Variants in FER observed in about 807,000 individuals in gnomAD.
FER encodes the protein FER tyrosine kinase.
Under a neutral mutation model 111.0 loss-of-function variants are expected in FER, and 63 were observed. The ratio of observed to expected loss-of-function variants is 0.57; its 90% CI spans 0.46 to 0.70. The LOEUF is 0.70. Among genes scored for constraint, FER ranks in the 30% least tolerant of loss-of-function variants. The pLI, the probability that FER is intolerant of heterozygous loss-of-function variation, is 0.00. For synonymous variants in FER, 327 were observed against 313.9 expected, an observed-to-expected ratio of 1.04 and a Z score of -0.44; for missense variants, 914 against 954.0, an observed-to-expected ratio of 0.96 and a Z score of 0.55.
At chr5:108,867,177 C>G (rs950431968) in intron 5 of FER, among the ~76,000 whole-genome samples, 1 of 152,046 alleles carries the variant, frequency 6.6e-6, no homozygotes, top group African/African-American at 2.4e-5. Flanking sequence ...TACTGAATTC[C>G]CAATGTTTAG....
At chr5:108,766,225 T>C (rs949926483) in intron 1 of FER, among the ~76,000 whole-genome samples, 1 of 152,234 alleles carries the variant, frequency 6.6e-6, no homozygotes, top group Non-Finnish European at 1.5e-5. Context: ...AGCCACCTCA[T>C]CTGGCCATCA....
At chr5:108,922,188 T>C (rs1009073065) in intron 10 of FER, among the ~76,000 whole-genome samples, 5 of 152,210 alleles carry the variant, frequency 3.3e-5, no homozygotes, top group African/African-American at 1.2e-4. Flanking sequence ...TGGCCTTGGC[T>C]AACACCTTGA....
intron 17 of FER, among the ~76,000 whole-genome samples, chr5:109,155,367 T>G (rs1319673571): frequency 1.3e-5 from 2 of 151,880 alleles, no homozygotes; most frequent in African/African-American, 4.8e-5. Context: ...GGGGTTAGTG[T>G]TCAAACTAGG....
rs994283482 is a variant in FER, at chr5:109,191,995, C to G, written c.*4420C>G. On this transcript the variant is annotated 3_prime_UTR_variant, in exon 20 of 20. Coordinates refer to ENST00000281092, the MANE Select transcript of FER (RefSeq NM_005246.4). The stretch of plus-strand genomic sequence containing the variant: ...AGCCATAATTCAATTTAATGAAATA[C>G]TACCCCATTAAAAGCCATCCTCCTG... 1 of 152,110 alleles carries G rather than the reference C, an allele frequency of 6.6e-6. No individual in the cohort carries two copies. Among genetic ancestry groups the G allele is most frequent in the Non-Finnish European group, 1.5e-5 (1 of 68,012 alleles). The allele number at this position is 152,110 out of a possible 1,614,324, so 9.4% of individuals were successfully genotyped here. A position where few individuals can be genotyped will look rare whatever the true frequency, so the allele number is the denominator to read the frequency against.
At chr5:108,860,692 G>A (rs888825042) in intron 5 of FER, among the ~76,000 whole-genome samples, 4 of 152,164 alleles carry the variant, frequency 2.6e-5, no homozygotes, top group East Asian at 1.9e-4. Flanking sequence ...CTAGGATAGC[G>A]AGTGTAGAGT....
At chr5:108,807,343 C>G (rs977814036) in intron 3 of FER, among the ~76,000 whole-genome samples, 1 of 152,138 alleles carries the variant, frequency 6.6e-6, no homozygotes, top group Non-Finnish European at 1.5e-5. Flanking sequence ...ATTCCTGATT[C>G]AATCTTGAGA....
At chr5:108,980,210 G>A (rs1761871745) in intron 13 of FER, among the ~76,000 whole-genome samples, 1 of 151,918 alleles carries the variant, frequency 6.6e-6, no homozygotes, top group African/African-American at 2.4e-5. Flanking sequence ...ACTGATTCAG[G>A]GAAAATCTTA....
chr5:108,923,793 C>A (rs1471304503), intron 10 of FER, among the ~76,000 whole-genome samples: 1 of 151,858 alleles, frequency 6.6e-6, no homozygotes, highest in Non-Finnish European at 1.5e-5. Flanking sequence ...TCTGTTGAGA[C>A]CTTAGAGATC....
intron 17 of FER, among the ~76,000 whole-genome samples, chr5:109,152,573 G>T (rs1754962941): frequency 6.6e-6 from 1 of 151,868 alleles, no homozygotes; most frequent in African/African-American, 2.4e-5. Context: ...AAAAAGAAAG[G>T]TCAACATATG....
chr5:108,773,865 T>C (rs771708373), intron 2 of FER, among the ~76,000 whole-genome samples: 3 of 152,200 alleles, frequency 2.0e-5, no homozygotes, highest in Non-Finnish European at 4.4e-5. Flanking sequence ...CTGTTGGTTT[T>C]TGACTTTTTA....
intron 17 of FER, among the ~76,000 whole-genome samples, chr5:109,103,925 TG>T (rs1480956527): frequency 2.6e-5 from 4 of 152,256 alleles, no homozygotes; most frequent in African/African-American, 9.6e-5. Flanking sequence ...AAGTTGGCTT[TG>T]TGCCATTGTT....
chr5:109,087,503 C>A (rs908589066), intron 16 of FER, among the ~76,000 whole-genome samples: 2 of 151,210 alleles, frequency 1.3e-5, no homozygotes, highest in Non-Finnish European at 3.0e-5. Context: ...ATATGTTTGT[C>A]TTTTTATCTT....
At chr5:109,141,564 T>G (rs1420442459) in intron 17 of FER, among the ~76,000 whole-genome samples, 1 of 152,210 alleles carries the variant, frequency 6.6e-6, no homozygotes, top group Non-Finnish European at 1.5e-5. Flanking sequence ...AGTTTATTTC[T>G]TGCTACCATG....
intron 1 of FER, among the ~76,000 whole-genome samples, chr5:108,766,401 C>G (rs994202323): frequency 1.3e-5 from 2 of 152,152 alleles, no homozygotes; most frequent in Non-Finnish European, 2.9e-5. Context: ...CTACTGTGTT[C>G]CAGGTACTAT....
intron 3 of FER, among the ~76,000 whole-genome samples, chr5:108,804,278 T>C (rs1387598439): frequency 6.6e-6 from 1 of 152,174 alleles, no homozygotes; most frequent in East Asian, 1.9e-4. Context: ...TGTCATCCAT[T>C]AAGAGAGATA....
intron 10 of FER, among the ~76,000 whole-genome samples, chr5:108,913,192 A>G (rs9326755): frequency 0.15 from 22,764 of 152,112 alleles, 1,971 homozygotes; most frequent in South Asian, 0.25. Context: ...TTCTATATAA[A>G]CTTTTACTGC....
chr5:108,802,266 A>G (rs1756744360), intron 3 of FER, among the ~76,000 whole-genome samples: 1 of 152,264 alleles, frequency 6.6e-6, no homozygotes. Context: ...AATTACATTG[A>G]ATGTATAGAT....
chr5:109,165,016 T>C (rs1756386819), intron 17 of FER, among the ~76,000 whole-genome samples: 1 of 152,170 alleles, frequency 6.6e-6, no homozygotes, highest in African/African-American at 2.4e-5. Flanking sequence ...CCTTGAGTAA[T>C]TCTTTTTTAT....
chr5:109,165,675 A>T (rs900033943), intron 17 of FER, among the ~76,000 whole-genome samples: 1 of 151,932 alleles, frequency 6.6e-6, no homozygotes, highest in Non-Finnish European at 1.5e-5. Flanking sequence ...AGTCTTATGT[A>T]CATATTGAGC....
Sources: allele counts gnomAD v4.1 joint callset (sites outside exome capture counted in the v4.1 genomes callset), GRCh38; gene constraint gnomAD v4.1.1; transcripts MANE v1.5; gene names NCBI Gene and HGNC (gene_info 2026-07-23, HGNC 2026-07-21).